Variants in AR observed in about 807,000 individuals in gnomAD.
AR encodes the protein androgen receptor, also known as dihydrotestosterone receptor.
A neutral mutation model predicts 53.9 loss-of-function variants in AR; 8 were observed. The ratio of observed to expected loss-of-function variants is 0.15; its 90% CI spans 0.09 to 0.27. The LOEUF (loss-of-function observed/expected upper bound fraction) is 0.27, where lower values mean the gene tolerates loss of function less well. Ranked by LOEUF, AR falls within the 10% of genes least tolerant of loss-of-function variation. The pLI is 1.00. For synonymous variants in AR, 359 were observed against 316.4 expected (o/e 1.13, Z -1.43); for missense variants, 639 against 742.5 (o/e 0.86, Z 1.62).
In AR at chrX:67,724,010, T is replaced by G; in HGVS notation, c.*169T>G. ...TTCTATTTGCTGGGCTTTTTTTTTC[T>G]CTTTCTCTCCTTTCTTTTTCTTCTT... On this transcript the variant is annotated 3_prime_UTR_variant, in exon 8 of 8. Transcript: ENST00000374690. 1 of 649,798 alleles carries G rather than the reference T, an allele frequency of 1.5e-6. No homozygotes were observed. Among genetic ancestry groups the G allele is most frequent in the Non-Finnish European group, 2.3e-6 (1 of 437,568 alleles). 53.6% of individuals were successfully genotyped at this position (649,798 alleles called of 1,213,427 possible).
chrX:67,723,125 TGTG>T (rs1434061105), intron 7 of AR, 141 bp downstream of exon 7: 8 of 772,027 alleles, frequency 1.0e-5, no homozygotes, highest in Non-Finnish European at 1.5e-5. Context: ...AGGAAGAAAA[TGTG>T]GTGAAGAAAA....
chrX:67,622,814 G>T (rs1168048093), intron 1 of AR, among the ~76,000 whole-genome samples: 1 of 111,844 alleles, frequency 8.9e-6, no homozygotes, highest in Non-Finnish European at 1.9e-5. Context: ...TCTTCCTATA[G>T]CAATTGCCAT....
intron 1 of AR, among the ~76,000 whole-genome samples, chrX:67,591,109 A>G (rs1283932433): frequency 9.0e-6 from 1 of 111,463 alleles, no homozygotes; most frequent in Non-Finnish European, 1.9e-5. Flanking sequence ...GGGCCTGAAA[A>G]AAATTAGCCC....
At chrX:67,574,449 C>T (rs145281115) in intron 1 of AR, among the ~76,000 whole-genome samples, 6 of 110,700 alleles carry the variant, frequency 5.4e-5, no homozygotes, top group Admixed American at 9.6e-5. Context: ...CTAGTTTGAA[C>T]GTGTGCAGTC....
chrX:67,671,792 G>A lies in AR; in HGVS notation c.1769-14218G>A, dbSNP rs1180140584. Among the ~76,000 whole-genome samples the A allele has an allele frequency of 3.6e-5, 4 of 111,853 alleles. No homozygotes were observed. The Admixed American group carries it at 3.8e-4, about 11-fold the overall frequency. On this transcript the variant is annotated intron_variant, in intron 2 of 7. Coordinates refer to ENST00000374690, the MANE Select transcript of AR (RefSeq NM_000044.6). Reference sequence around the variant, plus strand: ...ATTTTGTATAACGTGTAAGGAAGAGGTCCACTTTCAGTTTTCTGCATGAGG... The same window carrying A: ...ATTTTGTATAACGTGTAAGGAAGAGATCCACTTTCAGTTTTCTGCATGAGG...
chrX:67,636,358 C>G (rs1160029139), intron 1 of AR, among the ~76,000 whole-genome samples: 1 of 111,769 alleles, frequency 8.9e-6, no homozygotes, highest in Non-Finnish European at 1.9e-5. Flanking sequence ...CATGTATATT[C>G]CCAAATAATA....
At chrX:67,650,505 C>T (rs183268813) in intron 2 of AR, among the ~76,000 whole-genome samples, 1 of 112,162 alleles carries the variant, frequency 8.9e-6, no homozygotes, top group Admixed American at 9.4e-5. Context: ...TGTATTAATT[C>T]TCTGGGTTCT....
chrX:67,559,120 G>C (rs892262170), intron 1 of AR, among the ~76,000 whole-genome samples: 2 of 112,257 alleles, frequency 1.8e-5, no homozygotes, highest in Non-Finnish European at 3.8e-5. Context: ...ATATGCACCA[G>C]TTTCTTTTAA....
At chrX:67,707,453 C>G (rs772780340) in intron 3 of AR, among the ~76,000 whole-genome samples, 109 of 111,372 alleles carry the variant, frequency 9.8e-4, no homozygotes, top group Non-Finnish European at 1.5e-3. Context: ...CAGAGACTAG[C>G]ATTGCAATCC....
chrX:67,707,928 C>A (rs2041685612), intron 3 of AR, among the ~76,000 whole-genome samples: 1 of 111,756 alleles, frequency 8.9e-6, no homozygotes, highest in Admixed American at 9.5e-5. Context: ...ATATGAAATT[C>A]TGGGTTGAAA....
intron 2 of AR, among the ~76,000 whole-genome samples, chrX:67,682,937 A>G (rs1267090531): frequency 8.9e-6 from 1 of 112,236 alleles, no homozygotes; most frequent in East Asian, 2.8e-4. Flanking sequence ...TGTCACTATT[A>G]TGTGTCATTT....
intron 2 of AR, among the ~76,000 whole-genome samples, chrX:67,673,036 G>T (rs890459316): frequency 1.9e-5 from 2 of 106,328 alleles, no homozygotes; most frequent in Non-Finnish European, 1.9e-5. Context: ...TCTATTCTAG[G>T]GTAAAAGTTT....
chrX:67,717,731 G>C lies in AR; in HGVS notation c.2318+109G>C, dbSNP rs748092638. The C allele has an allele frequency of 1.9e-5, 21 of 1,082,546 alleles. No individual in the cohort carries two copies. In the East Asian group the frequency reaches 4.1e-4, roughly 21 times the overall value. The allele number at this position is 1,082,546 out of a possible 1,213,427, so 89.2% of individuals were successfully genotyped here. A position where few individuals can be genotyped will look rare whatever the true frequency, so the allele number is the denominator to read the frequency against. ...TGAAGCTTAGCTCATTTGATCTGCA[G>C]TTGTCGCAGCGGATGCCCCAGCCAG... On this transcript the variant is annotated intron_variant, in intron 5 of 7. Coordinates refer to ENST00000374690, the MANE Select transcript of AR (RefSeq NM_000044.6).
rs147304594 is a variant in AR, at chrX:67,548,853, G to T, written c.1616+2091G>T. 3.1e-4 allele frequency among the ~76,000 whole-genome samples: 35 copies of T among 111,310 alleles called. No individual in the cohort carries two copies. The East Asian group carries it at 9.1e-3, about 29-fold the overall frequency. ...TTAAATTAATGACATAAACTAATGA[G>T]AATTTAGCAGTTCCTGCAGAAAGTA... On this transcript the variant is annotated intron_variant, in intron 1 of 7. Coordinates refer to ENST00000374690, the MANE Select transcript of AR (RefSeq NM_000044.6).
At chrX:67,689,202 A>G (rs972219061) in intron 3 of AR, among the ~76,000 whole-genome samples, 1 of 111,231 alleles carries the variant, frequency 9.0e-6, no homozygotes, top group Non-Finnish European at 1.9e-5. Flanking sequence ...CCTTTCTTAG[A>G]TTGTCTGTTC....
intron 1 of AR, among the ~76,000 whole-genome samples, chrX:67,557,171 C>A (rs1217326784): frequency 6.3e-5 from 7 of 110,958 alleles, no homozygotes; most frequent in Non-Finnish European, 1.1e-4. Flanking sequence ...AACAAGTACA[C>A]TGCAGTGATC....
chrX:67,675,050 C>T (rs778725664), intron 2 of AR, among the ~76,000 whole-genome samples: 5 of 110,514 alleles, frequency 4.5e-5, no homozygotes, highest in East Asian at 2.9e-4. Flanking sequence ...TCAAGGCAGC[C>T]GGTTTCTTTC....
At chrX:67,579,964 C>G (rs1037225896) in intron 1 of AR, among the ~76,000 whole-genome samples, 7 of 110,782 alleles carry the variant, frequency 6.3e-5, no homozygotes, top group Non-Finnish European at 1.1e-4. Context: ...AGTTGTTAGT[C>G]TGCTACTCTT....
In AR at chrX:67,725,323, T is replaced by C. The variant is rs1284723005; in HGVS notation, c.*1482T>C. The C allele has an allele frequency of 1.7e-5, 3 of 173,575 alleles. No individual in the cohort carries two copies. Among genetic ancestry groups the C allele is most frequent in the Non-Finnish European group, 3.3e-5 (3 of 91,199 alleles). The allele number at this position is 173,575 out of a possible 1,213,427, so 14.3% of individuals were successfully genotyped here. Reference sequence around the variant, plus strand: ...CCTTAGACAAACTGGAAAGAAGGCATCAAAGGGATCAGGCAAGCTGGGCGT... The same window carrying C: ...CCTTAGACAAACTGGAAAGAAGGCACCAAAGGGATCAGGCAAGCTGGGCGT... On this transcript the variant is annotated 3_prime_UTR_variant, in exon 8 of 8. Coordinates refer to ENST00000374690, the MANE Select transcript of AR (RefSeq NM_000044.6).
Sources: allele counts gnomAD v4.1 joint callset (sites outside exome capture counted in the v4.1 genomes callset), GRCh38; gene constraint gnomAD v4.1.1; transcripts MANE v1.5; gene names NCBI Gene and HGNC (gene_info 2026-07-23, HGNC 2026-07-21).